Variants in STK39 observed in about 807,000 individuals in gnomAD.
STK39 encodes serine/threonine kinase 39.
A neutral mutation model predicts 77.8 loss-of-function variants in STK39; 20 were observed. That is an observed-to-expected ratio of 0.26 (90% CI 0.18 to 0.37). The LOEUF is 0.37. Among genes scored for constraint, STK39 ranks in the 10% least tolerant of loss-of-function variants. The probability of loss-of-function intolerance (pLI) is 1.00; values close to 1 mark genes in which losing one functional copy is unlikely to be tolerated. For synonymous variants in STK39, 246 were observed against 234.1 expected (o/e 1.05, Z -0.47); for missense variants, 479 against 656.5 (o/e 0.73, Z 2.95).
chr2:168,182,112 A>G, intron 1 of STK39, 22 bp from the exon 2 acceptor site: 1 of 1,598,570 alleles, frequency 6.3e-7, no homozygotes, highest in Non-Finnish European at 8.6e-7. Flanking sequence ...TAAAAACAAC[A>G]TCAGCGATCA....
intron 16 of STK39, among the ~76,000 whole-genome samples, chr2:167,969,593 A>G (rs889120177): frequency 6.6e-6 from 1 of 152,224 alleles, no homozygotes; most frequent in African/African-American, 2.4e-5. Flanking sequence ...CAAACTCTGA[A>G]AACCCAGAAA....
intron 17 of STK39, among the ~76,000 whole-genome samples, chr2:167,961,255 C>G (rs1441580920): frequency 6.6e-6 from 1 of 152,186 alleles, no homozygotes. Context: ...CTAAGAACCT[C>G]TAAAAATAAG....
chr2:168,095,696 A>T (rs929254281), intron 10 of STK39, among the ~76,000 whole-genome samples: 2 of 137,998 alleles, frequency 1.4e-5, no homozygotes, highest in Non-Finnish European at 3.0e-5. Context: ...GCGCGATCTC[A>T]GCTCACTGCA....
chr2:168,024,076 G>A (rs1574401239), intron 14 of STK39, among the ~76,000 whole-genome samples: 1 of 152,250 alleles, frequency 6.6e-6, no homozygotes, highest in East Asian at 1.9e-4. Flanking sequence ...GCTAAGCTAG[G>A]AATTGGTCAG....
intron 1 of STK39, among the ~76,000 whole-genome samples, chr2:168,222,559 T>C (rs1345291384): frequency 6.6e-6 from 1 of 152,226 alleles, no homozygotes; most frequent in Non-Finnish European, 1.5e-5. Context: ...TTTCCCTGTA[T>C]GTGAAATGTT....
chr2:167,977,838 G>T lies in STK39; in HGVS notation c.1499-13112C>A, dbSNP rs545771872. ...CCAGGGGAATTGCAATGGAGAAAAG[G>T]TAATTCACAGAGTTGGCTGTGTGGG... On this transcript the variant is annotated intron_variant, in intron 16 of 17. Coordinates refer to ENST00000355999, the MANE Select transcript of STK39 (RefSeq NM_013233.3). Among the ~76,000 whole-genome samples, 175 of 131,120 alleles carry T rather than the reference G, an allele frequency of 1.3e-3. 2 individuals carry two copies. Among genetic ancestry groups the T allele is most frequent in the African/African-American group, 4.1e-3 (153 of 37,210 alleles). 86.0% of individuals were successfully genotyped at this position (131,120 alleles called of 152,430 possible). A position where few individuals can be genotyped will look rare whatever the true frequency, so the allele number is the denominator to read the frequency against.
chr2:168,022,853 C>T (rs1048510531), intron 14 of STK39, among the ~76,000 whole-genome samples: 4 of 152,244 alleles, frequency 2.6e-5, no homozygotes, highest in East Asian at 1.9e-4. Context: ...AAAAATAAAG[C>T]CACAGAAACC....
chr2:168,191,004 T>C (rs1207339244), intron 1 of STK39, among the ~76,000 whole-genome samples: 1 of 152,180 alleles, frequency 6.6e-6, no homozygotes, highest in Non-Finnish European at 1.5e-5. Context: ...GGTACAAGTG[T>C]CCTGGTTTGA....
chr2:168,194,765 T>G (rs186165725), intron 1 of STK39, among the ~76,000 whole-genome samples: 5 of 152,240 alleles, frequency 3.3e-5, no homozygotes, highest in Non-Finnish European at 7.3e-5. Flanking sequence ...TCAACTTATG[T>G]TGAGCCTCCA....
intron 16 of STK39, among the ~76,000 whole-genome samples, chr2:167,975,326 C>T (rs2105258320): frequency 6.6e-6 from 1 of 152,200 alleles, no homozygotes; most frequent in Middle Eastern, 3.4e-3. Context: ...ACCCCAACCA[C>T]ATAACCCACT....
chr2:168,156,546 G>A (rs185092905), intron 5 of STK39, among the ~76,000 whole-genome samples: 14 of 152,266 alleles, frequency 9.2e-5, no homozygotes, highest in South Asian at 4.1e-4. Context: ...CCTAGCCACC[G>A]TGAGCTTACC....
rs1690962157 is a variant in STK39 at position 168,247,414 on chromosome 2, G to A, written c.22C>T (p.Pro8Ser). The A allele has an allele frequency of 1.6e-6, 2 of 1,225,702 alleles. No homozygotes were observed. Among genetic ancestry groups the A allele is most frequent in the Admixed American group, 3.3e-5 (1 of 30,556 alleles). The allele number at this position is 1,225,702 out of a possible 1,614,324, so 75.9% of individuals were successfully genotyped here. ...TGCTGGGGAAGCTGGACGTGCACGG[G>A]CGAGCCGCTCGGCTCCGCCATGATG... MAEPSGS[P>S]VHVQLPQQAA... is the part of the protein sequence containing the mutation. Residue 8 changes from proline to serine, a missense_variant, in exon 1 of 18, where the codon CCC becomes TCC. Physicochemically the swap from Pro to Ser is moderately conservative, Grantham distance 74. This residue lies in a region of STK39 where 96 missense variants were observed against 79.1 expected (regional missense o/e 1.21). Transcript: ENST00000355999.
chr2:168,077,918 A>AG (rs1176209858), intron 10 of STK39, among the ~76,000 whole-genome samples: 4 of 148,942 alleles, frequency 2.7e-5, no homozygotes, highest in African/African-American at 9.8e-5. Context: ...AAAAAAAAAA[A>AG]GTGCAGAAAA....
chr2:167,961,372 A>G (rs1273633156), intron 17 of STK39, among the ~76,000 whole-genome samples: 3 of 152,230 alleles, frequency 2.0e-5, no homozygotes, highest in African/African-American at 7.2e-5. Context: ...AATGTGTACC[A>G]ATTAGATGTT....
intron 14 of STK39, among the ~76,000 whole-genome samples, chr2:168,040,311 C>G (rs1329828519): frequency 2.0e-5 from 3 of 152,050 alleles, no homozygotes; most frequent in Admixed American, 6.6e-5. Flanking sequence ...AAAAAAATTA[C>G]CATAGGTTCC....
At chr2:167,982,682 G>A (rs1683451392) in intron 16 of STK39, among the ~76,000 whole-genome samples, 1 of 152,170 alleles carries the variant, frequency 6.6e-6, no homozygotes, top group Non-Finnish European at 1.5e-5. Context: ...ACCCAACACT[G>A]AGCTGGCATC....
intron 16 of STK39, among the ~76,000 whole-genome samples, chr2:167,971,169 C>G (rs1372572870): frequency 1.3e-5 from 2 of 151,528 alleles, no homozygotes; most frequent in Non-Finnish European, 2.9e-5. Flanking sequence ...TAAGTTCTCT[C>G]TCAGATTTTG....
At chr2:168,176,204 C>A (rs1683542078) in intron 2 of STK39, among the ~76,000 whole-genome samples, 4 of 152,064 alleles carry the variant, frequency 2.6e-5, no homozygotes, top group African/African-American at 9.7e-5. Flanking sequence ...GTTTTTTAAT[C>A]ACTATCTTTC....
intron 1 of STK39, among the ~76,000 whole-genome samples, chr2:168,242,560 A>ATATATATAT (rs1553464984): frequency 2.2e-5 from 1 of 44,866 alleles, no homozygotes; most frequent in African/African-American, 1.1e-4. Context: ...AAAAAAAAAA[A>ATATATATAT]ATATATATAT....
Sources: allele counts gnomAD v4.1 joint callset (sites outside exome capture counted in the v4.1 genomes callset), GRCh38; gene constraint gnomAD v4.1.1; regional missense constraint gnomAD v4.1.1; transcripts MANE v1.5; gene names NCBI Gene and HGNC (gene_info 2026-07-23, HGNC 2026-07-21).